Variants in SPOCK1 observed in about 807,000 individuals in gnomAD.
SPOCK1 encodes the protein testican-1.
In SPOCK1, 23 loss-of-function variants were observed where a neutral mutation model predicts 55.3. The observed-to-expected ratio is 0.42, with a 90% CI of 0.30 to 0.59. The LOEUF (loss-of-function observed/expected upper bound fraction) is 0.59. SPOCK1 is among the 20% of genes least tolerant of loss of function. The probability of loss-of-function intolerance (pLI) is 0.22; values close to 1 mark genes in which losing one functional copy is unlikely to be tolerated. For synonymous variants in SPOCK1, 226 were observed against 221.0 expected (o/e 1.02, Z -0.20); for missense variants, 499 against 552.5 (o/e 0.90, Z 0.97).
chr5:137,261,477 AG>A (rs1200018742), intron 3 of SPOCK1, among the ~76,000 whole-genome samples: 12 of 152,202 alleles, frequency 7.9e-5, no homozygotes. Context: ...TGAGTTTGTC[AG>A]GATCTTGGTA....
chr5:137,291,264 A>AG (rs1205536519), intron 2 of SPOCK1, among the ~76,000 whole-genome samples: 2 of 152,230 alleles, frequency 1.3e-5, no homozygotes, highest in African/African-American at 4.8e-5. Flanking sequence ...ACCACATGAC[A>AG]GGCAACAGGC....
At chr5:137,147,991 C>G (rs746122103) in intron 3 of SPOCK1, among the ~76,000 whole-genome samples, 9 of 152,184 alleles carry the variant, frequency 5.9e-5, no homozygotes, top group Non-Finnish European at 1.3e-4. Context: ...TACTCAGAAC[C>G]AGACCTGCCT....
chr5:137,253,943 T>C (rs1312293814), intron 3 of SPOCK1, among the ~76,000 whole-genome samples: 1 of 152,228 alleles, frequency 6.6e-6, no homozygotes, highest in Admixed American at 6.5e-5. Flanking sequence ...TTTAAAACTA[T>C]TCATAAAGCA....
intron 2 of SPOCK1, among the ~76,000 whole-genome samples, chr5:137,455,357 G>T (rs541147117): frequency 2.0e-5 from 3 of 152,092 alleles, no homozygotes; most frequent in Admixed American, 6.6e-5. Context: ...CTTTACAGAC[G>T]GTTTTGTTTC....
intron 2 of SPOCK1, among the ~76,000 whole-genome samples, chr5:137,479,502 A>C (rs1753904165): frequency 6.6e-6 from 1 of 152,206 alleles, no homozygotes. Context: ...CCTCCTAGGC[A>C]CATGATAGCA....
chr5:137,426,231 GTTA>G (rs1752608936), intron 2 of SPOCK1, among the ~76,000 whole-genome samples: 1 of 152,192 alleles, frequency 6.6e-6, no homozygotes, highest in South Asian at 2.1e-4. Context: ...CATCATTGCT[GTTA>G]TTTGACTGTT....
intron 2 of SPOCK1, among the ~76,000 whole-genome samples, chr5:137,491,607 AG>A (rs1754180132): frequency 6.6e-6 from 1 of 152,190 alleles, no homozygotes; most frequent in Non-Finnish European, 1.5e-5. Flanking sequence ...GGAATTACAA[AG>A]GGGTGAGGTC....
At chr5:137,141,339 T>A (rs1046440554) in intron 3 of SPOCK1, among the ~76,000 whole-genome samples, 1 of 152,262 alleles carries the variant, frequency 6.6e-6, no homozygotes, top group Non-Finnish European at 1.5e-5. Context: ...TGGTTATGAA[T>A]CTGGTGTTGC....
chr5:137,239,782 C>T (rs1756248997), intron 3 of SPOCK1, among the ~76,000 whole-genome samples: 1 of 152,140 alleles, frequency 6.6e-6, no homozygotes, highest in African/African-American at 2.4e-5. Flanking sequence ...AGGGAATTCA[C>T]TACCATCATT....
chr5:137,356,488 C>A (rs1047293910), intron 2 of SPOCK1, among the ~76,000 whole-genome samples: 3 of 151,554 alleles, frequency 2.0e-5, no homozygotes, highest in African/African-American at 7.3e-5. Context: ...CAGATGGATA[C>A]CATTTACCTC....
At chr5:137,419,541 A>G (rs1031241402) in intron 2 of SPOCK1, among the ~76,000 whole-genome samples, 73 of 152,026 alleles carry the variant, frequency 4.8e-4, no homozygotes, top group Non-Finnish European at 1.3e-4. Flanking sequence ...GGATTCCTAG[A>G]TATTTTATTC....
At chr5:137,218,139 G>A (rs1281708790) in intron 3 of SPOCK1, among the ~76,000 whole-genome samples, 1 of 152,168 alleles carries the variant, frequency 6.6e-6, no homozygotes, top group Non-Finnish European at 1.5e-5. Flanking sequence ...GATGAAGCTC[G>A]ATCCTTTATC....
chr5:137,344,772 T>A (rs1228763662), intron 2 of SPOCK1, among the ~76,000 whole-genome samples: 2 of 152,256 alleles, frequency 1.3e-5, no homozygotes, highest in Non-Finnish European at 1.5e-5. Context: ...GTTTCTGGAT[T>A]CTACCGACAG....
In SPOCK1 at chr5:137,154,445, A is replaced by ATCTCCT. The variant is rs879720790; in HGVS notation, c.233-13752_233-13751insAGGAGA. ...CTGAGGAACAGTGCAATCCCAGGAG[A>ATCTCCT]GGGATTGCAAGGGCCCCAGGATGGG... On this transcript the variant is annotated intron_variant, in intron 3 of 10. Transcript: ENST00000394945. 9.2e-3 allele frequency among the ~76,000 whole-genome samples: 1,399 copies of ATCTCCT among 152,242 alleles called. 9 individuals are homozygous for ATCTCCT. Among genetic ancestry groups the ATCTCCT allele is most frequent in the Middle Eastern group, 0.078 (23 of 294 alleles).
At chr5:137,109,866 G>A (rs2127030742) in intron 5 of SPOCK1, among the ~76,000 whole-genome samples, 1 of 152,210 alleles carries the variant, frequency 6.6e-6, no homozygotes, top group Non-Finnish European at 1.5e-5. Context: ...TCAGAACTAT[G>A]CTTCATAGTA....
chr5:136,985,267 T>C, intron 8 of SPOCK1, 65 bp from the exon 9 acceptor site: 1 of 1,414,890 alleles, frequency 7.1e-7, no homozygotes, highest in Non-Finnish European at 1.0e-6. Flanking sequence ...ATGATTGACT[T>C]CACTCTTGAT....
intron 2 of SPOCK1, among the ~76,000 whole-genome samples, chr5:137,357,722 A>G (rs1750848628): frequency 6.6e-6 from 1 of 152,216 alleles, no homozygotes; most frequent in East Asian, 1.9e-4. Flanking sequence ...TATTTCCTTT[A>G]AAGAGATCAG....
At chr5:137,136,676 A>G (rs555648088) in intron 4 of SPOCK1, among the ~76,000 whole-genome samples, 3 of 152,156 alleles carry the variant, frequency 2.0e-5, no homozygotes, top group Admixed American at 1.3e-4. Context: ...ATCAACTATC[A>G]TTACACCAAA....
intron 3 of SPOCK1, among the ~76,000 whole-genome samples, chr5:137,204,339 T>G (rs1451168193): frequency 6.6e-6 from 1 of 152,214 alleles, no homozygotes; most frequent in African/African-American, 2.4e-5. Flanking sequence ...AAATGCTTCA[T>G]GCATCCCCAC....
Sources: allele counts gnomAD v4.1 joint callset (sites outside exome capture counted in the v4.1 genomes callset), GRCh38; gene constraint gnomAD v4.1.1; transcripts MANE v1.5; gene names NCBI Gene and HGNC (gene_info 2026-07-23, HGNC 2026-07-21).